OLFM3: variants seen among roughly 807,000 people sequenced by gnomAD.
The protein encoded by OLFM3 is olfactomedin 3, also known as noelin-3.
In OLFM3, 20 loss-of-function variants were observed where a neutral mutation model predicts 48.6. The ratio of observed to expected loss-of-function variants is 0.41; its 90% CI spans 0.29 to 0.60. The LOEUF (loss-of-function observed/expected upper bound fraction) is 0.60, where lower values mean the gene tolerates loss of function less well. Among genes scored for constraint, OLFM3 ranks in the 20% least tolerant of loss-of-function variants. The pLI is 0.28. For synonymous variants in OLFM3, 222 were observed against 198.1 expected, an observed-to-expected ratio of 1.12 and a Z score of -1.01; for missense variants, 437 against 544.3, an observed-to-expected ratio of 0.80 and a Z score of 1.96.
chr1:101,968,025 A>G (rs1433543466), intron 1 of OLFM3, among the ~76,000 whole-genome samples: 1 of 152,212 alleles, frequency 6.6e-6, no homozygotes. Context: ...GAAGCCACCT[A>G]GCCAGTTGGT....
At chr1:101,828,442 T>C (rs1654992479) in intron 3 of OLFM3, among the ~76,000 whole-genome samples, 1 of 152,214 alleles carries the variant, frequency 6.6e-6, no homozygotes, top group Admixed American at 6.5e-5. Flanking sequence ...CTTCAGCGTA[T>C]ACTTGGATTA....
intron 1 of OLFM3, among the ~76,000 whole-genome samples, chr1:101,973,222 A>G (rs1166825463): frequency 6.6e-6 from 1 of 152,192 alleles, no homozygotes; most frequent in Non-Finnish European, 1.5e-5. Context: ...CCAGTGCTGT[A>G]ATTTAGTCTG....
intron 1 of OLFM3, among the ~76,000 whole-genome samples, chr1:101,975,056 T>C (rs1348181639): frequency 1.3e-5 from 2 of 152,210 alleles, no homozygotes; most frequent in Non-Finnish European, 2.9e-5. Flanking sequence ...CAGTTCATGG[T>C]CTGTGGAGGC....
chr1:101,841,848 G>A (rs1655736453), intron 1 of OLFM3, among the ~76,000 whole-genome samples: 1 of 152,208 alleles, frequency 6.6e-6, no homozygotes, highest in Admixed American at 6.5e-5. Flanking sequence ...AGGAAATAAA[G>A]CCTAAATAAA....
intron 1 of OLFM3, among the ~76,000 whole-genome samples, chr1:101,972,316 C>T (rs1660827321): frequency 1.3e-5 from 2 of 152,164 alleles, no homozygotes; most frequent in African/African-American, 4.8e-5. Flanking sequence ...ATGTCTTTAT[C>T]ATAATGCTGT....
At chr1:101,995,550 G>A (rs541576466) in intron 1 of OLFM3, among the ~76,000 whole-genome samples, 3 of 152,046 alleles carry the variant, frequency 2.0e-5, no homozygotes, top group African/African-American at 7.2e-5. Flanking sequence ...AAATATGAAA[G>A]AGTACAGAAA....
chr1:101,912,188 G>C (rs1385778605), intron 1 of OLFM3, among the ~76,000 whole-genome samples: 1 of 152,070 alleles, frequency 6.6e-6, no homozygotes, highest in African/African-American at 2.4e-5. Flanking sequence ...TCGGGTTTCT[G>C]TGCTTAGGCC....
At chr1:101,889,942 G>A (rs28510126) in intron 1 of OLFM3, among the ~76,000 whole-genome samples, 1,612 of 151,986 alleles carry the variant, frequency 0.011, 35 homozygotes, top group African/African-American at 0.037. Flanking sequence ...GAAAAGAGTG[G>A]AGAACAAATA....
chr1:101,817,476 A>C (rs879939183), intron 4 of OLFM3, among the ~76,000 whole-genome samples: 2 of 152,122 alleles, frequency 1.3e-5, no homozygotes, highest in Non-Finnish European at 2.9e-5. Context: ...TTGGACTTTA[A>C]ATTTCTTATA....
intron 1 of OLFM3, among the ~76,000 whole-genome samples, chr1:101,949,198 C>T (rs1660046273): frequency 6.6e-6 from 1 of 151,992 alleles, no homozygotes; most frequent in South Asian, 2.1e-4. Flanking sequence ...TCCAAAACAC[C>T]ACTGTTTATG....
intron 1 of OLFM3, among the ~76,000 whole-genome samples, chr1:101,955,334 A>C (rs1660256036): frequency 6.6e-6 from 1 of 151,998 alleles, no homozygotes; most frequent in Non-Finnish European, 1.5e-5. Context: ...GGCTATTCTT[A>C]CTCAAATTAT....
At chr1:101,898,810 C>T (rs545338024) in intron 1 of OLFM3, among the ~76,000 whole-genome samples, 132 of 152,266 alleles carry the variant, frequency 8.7e-4, no homozygotes, top group African/African-American at 3.1e-3. Context: ...GATCATGCTA[C>T]TGCACTCCAG....
chr1:101,940,714 A>C (rs1272431532), intron 1 of OLFM3, among the ~76,000 whole-genome samples: 2 of 149,960 alleles, frequency 1.3e-5, no homozygotes, highest in African/African-American at 2.4e-5. Flanking sequence ...ATATATATAT[A>C]TCTTTGTATA....
rs1273014109 is a variant in OLFM3 at position 101,914,758 on chromosome 1, G to A, written c.70-77733C>T. 2.6e-5 allele frequency among the ~76,000 whole-genome samples: 4 copies of A among 152,064 alleles called. No homozygotes were observed. In the East Asian group the frequency reaches 5.8e-4, roughly 22 times the overall value. On this transcript the variant is annotated intron_variant, in intron 1 of 5. Coordinates refer to ENST00000370103, the MANE Select transcript of OLFM3 (RefSeq NM_058170.4). ...TTTCCAGCCTTTAATCTGTTGTAAT[G>A]GTCAAAACAATAAAAGAGTTTTCAG...
intron 2 of OLFM3, among the ~76,000 whole-genome samples, chr1:101,836,268 A>T (rs142651467): frequency 9.1e-4 from 139 of 152,334 alleles, no homozygotes; most frequent in Non-Finnish European, 1.6e-3. Flanking sequence ...TCCCAACTAA[A>T]CATAAATAAC....
chr1:101,996,603 C>T lies in OLFM3; in HGVS notation c.69+145G>A, dbSNP rs543403795. 1.3e-5 allele frequency: 10 copies of T among 776,146 alleles called. No individual in the cohort carries two copies. In the South Asian group the frequency reaches 1.6e-4, roughly 13 times the overall value. The allele number at this position is 776,146 out of a possible 1,614,324, so 48.1% of individuals were successfully genotyped here. On this transcript the variant is annotated intron_variant, in intron 1 of 5. Coordinates refer to ENST00000370103, the MANE Select transcript of OLFM3 (RefSeq NM_058170.4). ...CTCCGGTAGTTCACCTTGTTATGTT[C>T]CAAGCAGTGGGGATACGCCAGACAC... is the stretch of plus-strand genomic sequence containing the variant.
At chr1:101,826,129 AACACACACAC>A (rs66617960) in intron 3 of OLFM3, among the ~76,000 whole-genome samples, 1,339 of 133,060 alleles carry the variant, frequency 0.01, 6 homozygotes, top group African/African-American at 0.019. Context: ...ACTTTCGTCA[AACACACACAC>A]ACACACACAC....
chr1:101,960,911 A>G (rs1223760339), intron 1 of OLFM3, among the ~76,000 whole-genome samples: 1 of 152,196 alleles, frequency 6.6e-6, no homozygotes, highest in East Asian at 1.9e-4. Flanking sequence ...TCATCTACTT[A>G]TAAAAAACAC....
At chr1:101,888,603 G>A (rs1222393903) in intron 1 of OLFM3, among the ~76,000 whole-genome samples, 2 of 152,150 alleles carry the variant, frequency 1.3e-5, no homozygotes, top group African/African-American at 4.8e-5. Flanking sequence ...AGGACTTCAT[G>A]ACTAAAACAC....
Sources: gnomAD v4.1 joint callset for allele counts (sites outside exome capture counted in the v4.1 genomes callset) on GRCh38, gnomAD v4.1.1 for gene constraint, MANE v1.5 for transcripts, NCBI Gene and HGNC (gene_info 2026-07-23, HGNC 2026-07-21) for gene names.